RHOV: variants seen among roughly 807,000 people sequenced by gnomAD.
RHOV encodes ras homolog family member V, also known as rho-related GTP-binding protein RhoV.
RHOV carries 6 observed loss-of-function variants against 20.2 expected under a neutral mutation model. That is an observed-to-expected ratio of 0.30 (90% CI 0.16 to 0.59). The LOEUF is 0.59. Among genes scored for constraint, RHOV ranks in the 20% least tolerant of loss-of-function variants. The probability of loss-of-function intolerance (pLI) is 0.89; values close to 1 mark genes in which losing one functional copy is unlikely to be tolerated. For missense variants in RHOV, 275 were observed against 319.4 expected, an observed-to-expected ratio of 0.86 and a Z score of 1.06; for synonymous variants, 136 against 142.3, an observed-to-expected ratio of 0.96 and a Z score of 0.31.
Position 40,873,509 on chromosome 15 carries a change from G to C in RHOV, c.268-8C>G, listed in dbSNP as rs745819783. 2 of 1,592,012 alleles carry C rather than the reference G, an allele frequency of 1.3e-6. No homozygotes were observed. The highest frequency in any genetic ancestry group is 8.6e-7 in the Non-Finnish European group (1 of 1,168,872). On this transcript the variant is annotated splice_polypyrimidine_tract_variant and splice_region_variant and intron_variant, in intron 2 of 2. Transcript: ENST00000220507. Reference sequence around the variant, plus strand: ...AAGTCGGTCAAAATCCTCCTGGGGTGGGAAGGCCAGGTGGTAAGGATTAGC... The same window carrying C: ...AAGTCGGTCAAAATCCTCCTGGGGTCGGAAGGCCAGGTGGTAAGGATTAGC...
chr15:40,874,191 G>T lies in RHOV; in HGVS notation c.-52C>A, dbSNP rs114109296. On this transcript the variant is annotated 5_prime_UTR_variant, in exon 1 of 3. Coordinates refer to ENST00000220507, the MANE Select transcript of RHOV (RefSeq NM_133639.4). Reference sequence around the variant, plus strand: ...CCAGCCCGGGTCTCGGCTTCGCTGCGCTCGGTGAAGCAGGTCCCGCTGGCT... The same window carrying T: ...CCAGCCCGGGTCTCGGCTTCGCTGCTCTCGGTGAAGCAGGTCCCGCTGGCT... The T allele has an allele frequency of 0.016, 11,777 of 747,776 alleles. 665 individuals are homozygous for T. Among genetic ancestry groups the T allele is most frequent in the African/African-American group, 0.14 (7,268 of 53,732 alleles). 46.3% of individuals were successfully genotyped at this position (747,776 alleles called of 1,614,324 possible).
rs1191427776 is a variant in RHOV, at chr15:40,873,292, C to T, written c.477G>A (p.Gln159=). 6.2e-7 allele frequency: 1 copy of T among 1,613,844 alleles called. No individual in the cohort carries two copies. The highest frequency in any genetic ancestry group is 8.5e-7 in the Non-Finnish European group (1 of 1,180,014). ...GGGGCACGGGGCCCTCCCGGCCCCC[C>T]TGGTCCAGCTGAATTAGTACGTTGA... ...DDVNVLIQLD[Q]GGREGPVPQP... Residue 159 remains glutamine (Q), a synonymous_variant, in exon 3 of 3, where the codon CAG becomes CAA. Coordinates refer to ENST00000220507, the MANE Select transcript of RHOV (RefSeq NM_133639.4).
chr15:40,872,580 C>G lies in RHOV; in HGVS notation c.*478G>C, dbSNP rs1891899120. 1 of 156,326 alleles carries G rather than the reference C, an allele frequency of 6.4e-6. No individual in the cohort carries two copies. The highest frequency in any genetic ancestry group is 6.4e-5 in the Admixed American group (1 of 15,538). The allele number at this position is 156,326 out of a possible 1,614,324, so 9.7% of individuals were successfully genotyped here. ...CCATCAGTCCCAGGCTCCAAGACCT[C>G]TTTTCCTGCTCGCTCTCTCAATCTC... On this transcript the variant is annotated 3_prime_UTR_variant, in exon 3 of 3. Transcript: ENST00000220507.
In RHOV at chr15:40,873,875, C is replaced by G. The variant is rs531548926; in HGVS notation, c.208+57G>C. 4 of 1,559,424 alleles carry G rather than the reference C, an allele frequency of 2.6e-6. No individual in the cohort carries two copies. In the East Asian group the frequency reaches 6.8e-5, roughly 26 times the overall value. On this transcript the variant is annotated intron_variant, in intron 1 of 2. Transcript: ENST00000220507. ...CCCGCCGAGACGCCCGCCCCAGCTC[C>G]CCGGTGCACAGCCCCGCCGCAGCCA...
Position 40,873,218 on chromosome 15 carries a change from A to G in RHOV, c.551T>C (p.Leu184Pro). ...LAEKIRACCY[L>P]ECSALTQKNL... ...CTTCTGCGTCAAGGCTGAGCACTCA[A>G]GGTAGCAGCAGGCTCGGATCTTCTC... The change falls in exon 3 of 3, where the codon CTT becomes CCT. Residue 184 changes from leucine to proline, a missense_variant. Leu to Pro is a moderately conservative substitution (Grantham distance 98). Transcript: ENST00000220507. 6.2e-7 allele frequency: 1 copy of G among 1,614,210 alleles called. No homozygotes were observed. The highest frequency in any genetic ancestry group is 8.5e-7 in the Non-Finnish European group (1 of 1,180,032).
Position 40,873,355 on chromosome 15 carries a change from C to T in RHOV, c.414G>A (p.Val138=), listed in dbSNP as rs748684036. The T allele has an allele frequency of 2.5e-6, 4 of 1,613,206 alleles. No individual in the cohort carries two copies. In the East Asian group the frequency reaches 8.9e-5, roughly 36 times the overall value. The stretch of plus-strand genomic sequence containing the variant: ...GGTCGGCCTGGGTGCCCACCAGCAG[C>T]ACAGGCGCCTGGGGGTTGTGCGTGC... ...EIRTHNPQAP[V]LLVGTQADLR... Residue 138 remains valine, a synonymous_variant, in exon 3 of 3, where the codon GTG becomes GTA. Transcript: ENST00000220507.
In RHOV at chr15:40,872,725, G is replaced by A; in HGVS notation, c.*333C>T. 2 of 255,600 alleles carry A rather than the reference G, an allele frequency of 7.8e-6. No homozygotes were observed. The highest frequency in any genetic ancestry group is 1.8e-4 in the South Asian group (2 of 11,212). 15.8% of individuals were successfully genotyped at this position (255,600 alleles called of 1,614,324 possible). A position where few individuals can be genotyped will look rare whatever the true frequency, so the allele number is the denominator to read the frequency against. ...TGTGCCAAGGAAGGGTCCTAATTCA[G>A]CCAGGCTGACCTGAGGGCCCAGGAC... On this transcript the variant is annotated 3_prime_UTR_variant, in exon 3 of 3. Transcript: ENST00000220507.
rs758424183 is a variant in RHOV at position 40,873,668 on chromosome 15, G to A, written c.267+16C>T. ...ATCTCCCCGCAGACCAGTAGAGGCC[G>A]CGCCCAGCTTCTCACCTGTCCCGCT... On this transcript the variant is annotated intron_variant, in intron 2 of 2. Coordinates refer to ENST00000220507, the MANE Select transcript of RHOV (RefSeq NM_133639.4). The A allele has an allele frequency of 2.5e-6, 4 of 1,613,500 alleles. No individual in the cohort carries two copies. Among genetic ancestry groups the A allele is most frequent in the Admixed American group, 1.7e-5 (1 of 60,002 alleles).
In RHOV at chr15:40,872,843, T is replaced by C. The variant is rs901762449; in HGVS notation, c.*215A>G. ...GTGCCAGGTTTTTTTCTGTGAGCTTTGACTGGAGAAATCCAAATCAGAGCC... is the reference window on the plus strand; with the variant it reads ...GTGCCAGGTTTTTTTCTGTGAGCTTCGACTGGAGAAATCCAAATCAGAGCC... On this transcript the variant is annotated 3_prime_UTR_variant, in exon 3 of 3. Transcript: ENST00000220507. 3.7e-6 allele frequency: 2 copies of C among 539,608 alleles called. No homozygotes were observed. Among genetic ancestry groups the C allele is most frequent in the Admixed American group, 3.5e-5 (1 of 28,548 alleles). 33.4% of individuals were successfully genotyped at this position (539,608 alleles called of 1,614,324 possible).
At position 40,873,135 on chromosome 15, in the gene RHOV, G is replaced by A. The variant is rs757652620; in HGVS notation, c.634C>T (p.Leu212=). Residue 212 remains leucine, a synonymous_variant, in exon 3 of 3, where the codon CTG becomes TTG. Coordinates refer to ENST00000220507, the MANE Select transcript of RHOV (RefSeq NM_133639.4). The stretch of plus-strand genomic sequence containing the variant: ...CCTTTGGCATTCAGTTTCTTCTCCA[G>A]CCGGGCTTTGTGCTCAATGGCACTG... ...ILSAIEHKAR[L]EKKLNAKGVR... The A allele has an allele frequency of 6.2e-7, 1 of 1,614,246 alleles. No homozygotes were observed.
In RHOV at chr15:40,873,834, G is replaced by T. The variant is rs574848679; in HGVS notation, c.209-92C>A. The stretch of plus-strand genomic sequence containing the variant: ...GGGGCCTGCTCCAGTCTCCTCCCCG[G>T]GGTCCTCTGCGCCCTCCCGCCGAGA... On this transcript the variant is annotated intron_variant, in intron 1 of 2. Coordinates refer to ENST00000220507, the MANE Select transcript of RHOV (RefSeq NM_133639.4). The T allele has an allele frequency of 8.4e-6, 13 of 1,540,332 alleles. No homozygotes were observed. In the Middle Eastern group the frequency reaches 9.1e-4, roughly 108 times the overall value.
Position 40,873,479 on chromosome 15 carries a change from G to T in RHOV, c.290C>A (p.Ser97Tyr). 1 of 1,597,110 alleles carries T rather than the reference G, an allele frequency of 6.3e-7. No individual in the cohort carries two copies. The highest frequency in any genetic ancestry group is 1.1e-5 in the South Asian group (1 of 88,860). ...AGQEDFDRLR[S>Y]LCYPDTDVFL... Reference sequence around the variant, plus strand: ...GACATCGGTATCCGGGTAGCAAAGGGAACGAAGTCGGTCAAAATCCTCCTG... The same window carrying T: ...GACATCGGTATCCGGGTAGCAAAGGTAACGAAGTCGGTCAAAATCCTCCTG... The change falls in exon 3 of 3, where the codon TCC becomes TAC. Residue 97 changes from serine to tyrosine, a missense_variant. Physicochemically the swap from Ser to Tyr is moderately radical, Grantham distance 144 (BLOSUM62 -2). Coordinates refer to ENST00000220507, the MANE Select transcript of RHOV (RefSeq NM_133639.4).
rs1257486821 is a variant in RHOV, at chr15:40,873,269, G to A, written c.500C>T (p.Pro167Leu). The A allele has an allele frequency of 6.2e-7, 1 of 1,613,962 alleles. No individual in the cohort carries two copies. Among genetic ancestry groups the A allele is most frequent in the East Asian group, 2.2e-5 (1 of 44,886 alleles). The part of the protein sequence containing the change: ...LDQGGREGPV[P>L]QPQAQGLAEK... ...GGCCAGACCCTGAGCCTGGGGTTGG[G>A]GCACGGGGCCCTCCCGGCCCCCCTG... Residue 167 changes from proline to leucine, a missense_variant, in exon 3 of 3, where the codon CCC (proline) becomes CTC (leucine). Transcript: ENST00000220507.
chr15:40,873,159 T>C lies in RHOV; in HGVS notation c.610A>G (p.Ser204Gly). 6.2e-7 allele frequency: 1 copy of C among 1,614,230 alleles called. No individual in the cohort carries two copies. The highest frequency in any genetic ancestry group is 8.5e-7 in the Non-Finnish European group (1 of 1,180,024). The stretch of plus-strand genomic sequence containing the variant: ...AGCCGGGCTTTGTGCTCAATGGCAC[T>C]GAGAATAGCCGAGTCAAATACTTCC... ...LKEVFDSAIL[S>G]AIEHKARLEK... The change falls in exon 3 of 3, where the codon AGT (serine) becomes GGT (glycine). Residue 204 changes from serine to glycine, a missense_variant. Ser to Gly is a moderately conservative substitution (Grantham distance 56). Coordinates refer to ENST00000220507, the MANE Select transcript of RHOV (RefSeq NM_133639.4).
In RHOV at chr15:40,873,309, G is replaced by C. The variant is rs989499063; in HGVS notation, c.460C>G (p.Leu154Val). The C allele has an allele frequency of 6.2e-7, 1 of 1,613,574 alleles. No individual in the cohort carries two copies. The highest frequency in any genetic ancestry group is 1.3e-5 in the African/African-American group (1 of 75,034). Residue 154 changes from leucine (L) to valine (V), a missense_variant, in exon 3 of 3, where the codon CTA (leucine) becomes GTA (valine). Leu to Val is a conservative substitution (Grantham distance 32, BLOSUM62 1). Transcript: ENST00000220507. Reference sequence around the variant, plus strand: ...CGGCCCCCCTGGTCCAGCTGAATTAGTACGTTGACATCGTCCCTCAGGTCG... The same window carrying C: ...CGGCCCCCCTGGTCCAGCTGAATTACTACGTTGACATCGTCCCTCAGGTCG... ...QADLRDDVNVLIQLDQGGREG... is the reference protein window; with the variant it reads ...QADLRDDVNVVIQLDQGGREG...
Position 40,873,421 on chromosome 15 carries a change from G to T in RHOV, c.348C>A (p.Ser116Arg), listed in dbSNP as rs1369433825. The T allele has an allele frequency of 6.2e-6, 10 of 1,612,754 alleles. No homozygotes were observed. Among genetic ancestry groups the T allele is most frequent in the Non-Finnish European group, 8.5e-6 (10 of 1,179,784 alleles). The change falls in exon 3 of 3, where the codon AGC (serine) becomes AGA (arginine). Residue 116 changes from serine to arginine, a missense_variant. By Grantham distance (110) the Ser-to-Arg change is moderately radical. Coordinates refer to ENST00000220507, the MANE Select transcript of RHOV (RefSeq NM_133639.4). The stretch of plus-strand genomic sequence containing the variant: ...ATTTCTCTGTGATGTTTTGAAAGGA[G>T]CTGGGCTGCACCACGCTGAAGCACG... ...FLACFSVVQP[S>R]SFQNITEKWL...
chr15:40,873,491 T>A lies in RHOV; in HGVS notation c.278A>T (p.Asp93Val), dbSNP rs756808350. 2 of 1,594,166 alleles carry A rather than the reference T, an allele frequency of 1.3e-6. No individual in the cohort carries two copies. Among genetic ancestry groups the A allele is most frequent in the Non-Finnish European group, 1.7e-6 (2 of 1,169,680 alleles). ...LWDTAGQEDFDRLRSLCYPDT... is the reference protein window; with the variant it reads ...LWDTAGQEDFVRLRSLCYPDT... Reference sequence around the variant, plus strand: ...CGGGTAGCAAAGGGAACGAAGTCGGTCAAAATCCTCCTGGGGTGGGAAGGC... The same window carrying A: ...CGGGTAGCAAAGGGAACGAAGTCGGACAAAATCCTCCTGGGGTGGGAAGGC... The change falls in exon 3 of 3, where the codon GAC (aspartate) becomes GTC (valine). Residue 93 changes from aspartate to valine, a missense_variant. Transcript: ENST00000220507.
chr15:40,872,573 A>G lies in RHOV; in HGVS notation c.*485T>C, dbSNP rs917922339. On this transcript the variant is annotated 3_prime_UTR_variant, in exon 3 of 3. Coordinates refer to ENST00000220507, the MANE Select transcript of RHOV (RefSeq NM_133639.4). ...TTATCCACCATCAGTCCCAGGCTCC[A>G]AGACCTCTTTTCCTGCTCGCTCTCT... 1 of 155,852 alleles carries G rather than the reference A, an allele frequency of 6.4e-6. No individual in the cohort carries two copies. Among genetic ancestry groups the G allele is most frequent in the Non-Finnish European group, 1.4e-5 (1 of 70,612 alleles). 9.7% of individuals were successfully genotyped at this position (155,852 alleles called of 1,614,324 possible). A position where few individuals can be genotyped will look rare whatever the true frequency, so the allele number is the denominator to read the frequency against.
chr15:40,874,120 C>T lies in RHOV; in HGVS notation c.20G>A (p.Ser7Asn). Residue 7 changes from serine (S) to asparagine (N), a missense_variant, in exon 1 of 3, where the codon AGC becomes AAC. Physicochemically the swap from Ser to Asn is conservative, Grantham distance 46. Coordinates refer to ENST00000220507, the MANE Select transcript of RHOV (RefSeq NM_133639.4). ...CCGGAGCGGGGGCGGCTCGGCCTCGCTCAGCTCCCGCGGCGGCATGGCCCG... is the reference window on the plus strand; with the variant it reads ...CCGGAGCGGGGGCGGCTCGGCCTCGTTCAGCTCCCGCGGCGGCATGGCCCG... Reference protein sequence around the residue: MPPRELSEAEPPPLRAP... With the variant: MPPRELNEAEPPPLRAP... 2 of 1,364,096 alleles carry T rather than the reference C, an allele frequency of 1.5e-6. No individual in the cohort carries two copies. The highest frequency in any genetic ancestry group is 1.9e-6 in the Non-Finnish European group (2 of 1,064,758). 84.5% of individuals were successfully genotyped at this position (1,364,096 alleles called of 1,614,324 possible). A position where few individuals can be genotyped will look rare whatever the true frequency, so the allele number is the denominator to read the frequency against.
Sources: gnomAD v4.1 joint callset for allele counts on GRCh38, gnomAD v4.1.1 for gene constraint, MANE v1.5 for transcripts, NCBI Gene and HGNC (gene_info 2026-07-23, HGNC 2026-07-21) for gene names.